Variants in DIAPH2 observed in about 807,000 individuals in gnomAD.
DIAPH2 encodes diaphanous related formin 2, also known as protein diaphanous homolog 2.
Under a neutral mutation model 92.7 loss-of-function variants are expected in DIAPH2, and 35 were observed. The observed-to-expected ratio is 0.38, with a 90% CI of 0.29 to 0.50. The LOEUF (loss-of-function observed/expected upper bound fraction) is 0.50, where lower values mean the gene tolerates loss of function less well. Among genes scored for constraint, DIAPH2 ranks in the 20% least tolerant of loss-of-function variants. The pLI is 0.94. For missense variants in DIAPH2, 701 were observed against 819.5 expected, an observed-to-expected ratio of 0.86 and a Z score of 1.77; for synonymous variants, 301 against 280.4, an observed-to-expected ratio of 1.07 and a Z score of -0.73.
At chrX:97,235,634 T>G (rs2068042675) in intron 22 of DIAPH2, among the ~76,000 whole-genome samples, 1 of 109,088 alleles carries the variant, frequency 9.2e-6, no homozygotes, top group Non-Finnish European at 1.9e-5. Flanking sequence ...GAAAGAAATT[T>G]TATCAATTTA....
At chrX:96,756,711 T>A (rs978533315) in intron 3 of DIAPH2, among the ~76,000 whole-genome samples, 6 of 111,003 alleles carry the variant, frequency 5.4e-5, no homozygotes, top group African/African-American at 2.0e-4. Flanking sequence ...TCCAAAGTGG[T>A]TGTATCATTT....
intron 22 of DIAPH2, among the ~76,000 whole-genome samples, chrX:97,230,981 G>A (rs1308561051): frequency 2.7e-5 from 3 of 112,573 alleles, no homozygotes; most frequent in South Asian, 3.6e-4. Flanking sequence ...AGCGGGAATT[G>A]GGTCTTCTGA....
intron 4 of DIAPH2, among the ~76,000 whole-genome samples, chrX:96,871,615 A>AAT (rs2065143865): frequency 9.0e-6 from 1 of 111,268 alleles, no homozygotes; most frequent in African/African-American, 3.3e-5. Context: ...GGCCCCTCTG[A>AAT]AAGTTGGTGA....
chrX:96,921,183 C>T (rs898252857), intron 9 of DIAPH2, among the ~76,000 whole-genome samples: 12 of 111,563 alleles, frequency 1.1e-4, no homozygotes, highest in Admixed American at 1.0e-3. Context: ...TATACATTTT[C>T]CCCCCTTTTT....
chrX:97,505,789 A>G (rs2070827963), intron 26 of DIAPH2, among the ~76,000 whole-genome samples: 1 of 111,121 alleles, frequency 9.0e-6, no homozygotes, highest in Non-Finnish European at 1.9e-5. Context: ...CTGTACTGAC[A>G]TACTAAAAAT....
At chrX:97,182,543 C>T (rs2147466215) in intron 22 of DIAPH2, among the ~76,000 whole-genome samples, 1 of 110,652 alleles carries the variant, frequency 9.0e-6, no homozygotes, top group South Asian at 3.9e-4. Context: ...GAAGGTGGAC[C>T]CCACTTATTA....
chrX:97,192,014 G>A (rs1017724937), intron 22 of DIAPH2, among the ~76,000 whole-genome samples: 8 of 111,696 alleles, frequency 7.2e-5, no homozygotes, highest in African/African-American at 2.3e-4. Context: ...TACTTTTGCT[G>A]AGTGCAGTGG....
chrX:96,758,055 A>T, intron 3 of DIAPH2, 99 bp from the exon 4 acceptor site: 1 of 713,975 alleles, frequency 1.4e-6, no homozygotes, highest in Non-Finnish European at 2.0e-6. Flanking sequence ...CACATGAATT[A>T]GTATTTTAAG....
intron 26 of DIAPH2, among the ~76,000 whole-genome samples, chrX:97,573,668 G>GT (rs1258722467): frequency 4.2e-4 from 40 of 94,279 alleles, no homozygotes; most frequent in South Asian, 1.0e-3. Flanking sequence ...TTTTTTTTTT[G>GT]TTTTTTTTTG....
chrX:97,216,054 G>T (rs1484799099), intron 22 of DIAPH2, among the ~76,000 whole-genome samples: 1 of 111,822 alleles, frequency 8.9e-6, no homozygotes, highest in African/African-American at 3.3e-5. Flanking sequence ...ACTAACAGCC[G>T]ATGTATCAGT....
chrX:97,341,116 C>T (rs746261722), intron 23 of DIAPH2: 1 of 107,892 alleles, frequency 9.3e-6, no homozygotes, highest in South Asian at 4.2e-4. Context: ...TGCTTGAGCC[C>T]GGGAGTTCTG....
chrX:96,693,868 C>T (rs1010059126), intron 1 of DIAPH2, among the ~76,000 whole-genome samples: 1 of 111,992 alleles, frequency 8.9e-6, no homozygotes, highest in African/African-American at 3.2e-5. Context: ...AACCCCATCT[C>T]TACTAAAAAT....
intron 22 of DIAPH2, among the ~76,000 whole-genome samples, chrX:97,187,366 C>T (rs1164898535): frequency 1.1e-5 from 1 of 92,924 alleles, no homozygotes; most frequent in Non-Finnish European, 2.1e-5. Flanking sequence ...ACCTCTGTCT[C>T]CCGGGTTCAA....
chrX:97,599,162 C>T (rs2071575142), intron 26 of DIAPH2, 91 bp from the exon 27 acceptor site: 2 of 556,352 alleles, frequency 3.6e-6, no homozygotes, highest in African/African-American at 4.8e-5. Context: ...TTTTTCAGGA[C>T]TATTTGAAAA....
intron 26 of DIAPH2, among the ~76,000 whole-genome samples, chrX:97,545,915 T>C (rs1015102211): frequency 9.0e-6 from 1 of 110,610 alleles, no homozygotes; most frequent in Admixed American, 9.6e-5. Context: ...CTTTTTAATA[T>C]TTCCTCCCCA....
chrX:97,474,974 A>G (rs2070592396), intron 26 of DIAPH2, among the ~76,000 whole-genome samples: 1 of 109,573 alleles, frequency 9.1e-6, no homozygotes, highest in Admixed American at 9.9e-5. Flanking sequence ...CTCCTTTGCC[A>G]GGACCTCCCC....
At chrX:96,751,575 C>CA (rs1460113460) in intron 3 of DIAPH2, among the ~76,000 whole-genome samples, 84 of 78,122 alleles carry the variant, frequency 1.1e-3, no homozygotes, top group African/African-American at 3.7e-3. Context: ...GACTCTGTCT[C>CA]AAAAAAAATA....
At chrX:97,320,995 T>C (rs1161941063) in intron 23 of DIAPH2, among the ~76,000 whole-genome samples, 1 of 111,946 alleles carries the variant, frequency 8.9e-6, no homozygotes, top group Non-Finnish European at 1.9e-5. Context: ...ATGAGTCCAC[T>C]ATGGTTGTCA....
At chrX:96,743,101 A>T (rs977768320) in intron 3 of DIAPH2, among the ~76,000 whole-genome samples, 2 of 112,519 alleles carry the variant, frequency 1.8e-5, no homozygotes, top group Non-Finnish European at 3.8e-5. Context: ...GATTTTTTTT[A>T]AAAAAGGATT....
Sources: allele counts gnomAD v4.1 joint callset (sites outside exome capture counted in the v4.1 genomes callset), GRCh38; gene constraint gnomAD v4.1.1; transcripts MANE v1.5; gene names NCBI Gene and HGNC (gene_info 2026-07-23, HGNC 2026-07-21).